ALDH3A1: variants seen among roughly 807,000 people sequenced by gnomAD.
ALDH3A1 encodes the protein aldehyde dehydrogenase 3 family member A1, also known as aldehyde dehydrogenase, dimeric NADP-preferring.
A neutral mutation model predicts 49.9 loss-of-function variants in ALDH3A1; 46 were observed. The observed-to-expected ratio is 0.92, with a 90% CI of 0.73 to 1.18. The LOEUF (loss-of-function observed/expected upper bound fraction) is 1.18. Among genes scored for constraint, ALDH3A1 ranks in the 50% most tolerant of loss-of-function variants. The pLI is 0.00. For missense variants in ALDH3A1, 592 were observed against 611.8 expected (o/e 0.97, Z 0.34); for synonymous variants, 269 against 253.3 (o/e 1.06, Z -0.59).
chr17:19,740,378 C>G lies in ALDH3A1; in HGVS notation c.907G>C (p.Val303Leu), dbSNP rs1289121819. ...GCATCCCCGGTGCCCCCATAAGCCA[C>G]CTTCTGGCCCTCAATCAGGCCCATC... is the stretch of plus-strand genomic sequence containing the variant. ...RVMGLIEGQK[V>L]AYGGTGDAAT... The change falls in exon 7 of 11, where the codon GTG (valine) becomes CTG (leucine). Residue 303 changes from valine to leucine, a missense_variant. Coordinates refer to ENST00000225740, the MANE Select transcript of ALDH3A1 (RefSeq NM_000691.5). 4 of 1,614,050 alleles carry G rather than the reference C, an allele frequency of 2.5e-6. No individual in the cohort carries two copies. Among genetic ancestry groups the G allele is most frequent in the Non-Finnish European group, 3.4e-6 (4 of 1,180,046 alleles).
chr17:19,747,214 T>C (rs2086612391), intron 1 of ALDH3A1, among the ~76,000 whole-genome samples: 1 of 152,192 alleles, frequency 6.6e-6, no homozygotes, highest in Non-Finnish European at 1.5e-5. Context: ...CTTCCAATCC[T>C]TCCTCTGCCT....
chr17:19,738,462 GAGAAGTAAGCAC>G lies in ALDH3A1; in HGVS notation c.1217-21_1217-10del. ...TCCCATGCCGCTGTTCCCTGCGGAG[GAGAAGTAAGCAC>G]AGGGCTCAGCATCCTGCCCCCAGGA... On this transcript the variant is annotated splice_polypyrimidine_tract_variant and intron_variant, in intron 9 of 10. Coordinates refer to ENST00000225740, the MANE Select transcript of ALDH3A1 (RefSeq NM_000691.5). 1 of 1,608,072 alleles carries G rather than the reference GAGAAGTAAGCAC, an allele frequency of 6.2e-7. No individual in the cohort carries two copies. The highest frequency in any genetic ancestry group is 1.1e-5 in the South Asian group (1 of 90,986).
At position 19,743,494 on chromosome 17, in the gene ALDH3A1, G is replaced by A. The variant is rs765313700; in HGVS notation, c.163-31C>T. 10 of 1,558,266 alleles carry A rather than the reference G, an allele frequency of 6.4e-6. No homozygotes were observed. The highest frequency in any genetic ancestry group is 8.7e-6 in the Non-Finnish European group (10 of 1,150,062). ...GCGACAGAGCCGGAGTGAGCTTCCA[G>A]GGCCAGGGCCCGCCTGCAGCTGGGG... On this transcript the variant is annotated intron_variant, in intron 2 of 10. Transcript: ENST00000225740. The surrounding 1 kb of genome is among the most constrained non-coding windows in gnomAD (Gnocchi z 4.4).
At chr17:19,746,904 T>C (rs1357362718) in intron 1 of ALDH3A1, among the ~76,000 whole-genome samples, 12 of 152,142 alleles carry the variant, frequency 7.9e-5, no homozygotes, top group Non-Finnish European at 1.5e-5. Context: ...TGGTGCGTTT[T>C]AAGATAGGCA....
chr17:19,744,901 G>GGCCCCCC, intron 2 of ALDH3A1, 67 bp downstream of exon 2: 25 of 434,624 alleles, frequency 5.8e-5, no homozygotes, highest in East Asian at 1.4e-4. Context: ...ACTCTCCCCA[G>GGCCCCCC]CCCCTCCCCC....
intron 9 of ALDH3A1, 111 bp from the exon 10 acceptor site, chr17:19,738,564 G>C (rs1597663517): frequency 6.9e-7 from 1 of 1,457,798 alleles, no homozygotes. Flanking sequence ...GGGAGGCAGA[G>C]CCCCAGCCAC....
chr17:19,746,111 G>A (rs535542066), intron 1 of ALDH3A1, among the ~76,000 whole-genome samples: 74 of 152,330 alleles, frequency 4.9e-4, no homozygotes, highest in Non-Finnish European at 9.3e-4. Context: ...CAGGCCGGGC[G>A]CGGTGGCTCA....
Position 19,742,132 on chromosome 17 carries a change from C to G in ALDH3A1, c.561G>C (p.Thr187=). ...TGATCTTCCCCACCCCCGTGCTGCC[C>G]GTGTACAGGATATGGTCGAACCTCT... ...LKERFDHILY[T]GSTGVGKIIM... The change falls in exon 5 of 11, where the codon ACG becomes ACC. Residue 187 remains threonine, a synonymous_variant. Transcript: ENST00000225740. 6.2e-7 allele frequency: 1 copy of G among 1,614,068 alleles called. No individual in the cohort carries two copies.
rs1441500370 is a variant in ALDH3A1 at position 19,743,520 on chromosome 17, C to A, written c.163-57G>T. The A allele has an allele frequency of 2.0e-6, 3 of 1,534,152 alleles. No individual in the cohort carries two copies. The East Asian group carries it at 6.8e-5, about 35-fold the overall frequency. ...GGCCAGGGCCCGCCTGCAGCTGGGG[C>A]GAGTGGGGAGCCCCACTGCTCAGCT... On this transcript the variant is annotated intron_variant, in intron 2 of 10. Coordinates refer to ENST00000225740, the MANE Select transcript of ALDH3A1 (RefSeq NM_000691.5). The surrounding 1 kb of genome is among the most constrained non-coding windows in gnomAD (Gnocchi z 4.4).
Position 19,738,212 on chromosome 17 carries a change from A to C in ALDH3A1, c.*9T>G. 6.2e-7 allele frequency: 1 copy of C among 1,613,922 alleles called. No individual in the cohort carries two copies. The highest frequency in any genetic ancestry group is 8.5e-7 in the Non-Finnish European group (1 of 1,179,986). On this transcript the variant is annotated 3_prime_UTR_variant, in exon 11 of 11. Transcript: ENST00000225740. ...ACAGTATGGCCAGGCCAGGCGGAGC[A>C]ACCCCTCCTCAGTGCTGGGTCATCT...
Position 19,743,127 on chromosome 17 carries a change from C to G in ALDH3A1, c.394+105G>C. 6.5e-7 allele frequency: 1 copy of G among 1,548,344 alleles called. No homozygotes were observed. Among genetic ancestry groups the G allele is most frequent in the East Asian group, 2.4e-5 (1 of 41,208 alleles). On this transcript the variant is annotated intron_variant, in intron 3 of 10. Coordinates refer to ENST00000225740, the MANE Select transcript of ALDH3A1 (RefSeq NM_000691.5). This position sits in a 1 kb window ranked among gnomAD's most constrained non-coding sequence, Gnocchi z 4.4. Reference sequence around the variant, plus strand: ...CCTCCTGTGACAGACCCAGCAAACCCTTATCTGACCCCAGGACTCTTAACA... The same window carrying G: ...CCTCCTGTGACAGACCCAGCAAACCGTTATCTGACCCCAGGACTCTTAACA...
Position 19,743,720 on chromosome 17 carries a change from C to A in ALDH3A1, c.163-257G>T. ...CAGGGGAGAGAGCCGGTGAAGGGAC[C>A]AGGCATGGGCAACGGAATGGATCCA... On this transcript the variant is annotated intron_variant, in intron 2 of 10. Transcript: ENST00000225740. The surrounding 1 kb of genome is among the most constrained non-coding windows in gnomAD (Gnocchi z 4.4). 1.0e-6 allele frequency: 1 copy of A among 984,292 alleles called. No homozygotes were observed. Among genetic ancestry groups the A allele is most frequent in the Non-Finnish European group, 1.2e-6 (1 of 829,850 alleles). The allele number at this position is 984,292 out of a possible 1,614,324, so 61.0% of individuals were successfully genotyped here.
At chr17:19,744,586 G>A (rs1436845556) in intron 2 of ALDH3A1, 1 of 985,310 alleles carries the variant, frequency 1.0e-6, no homozygotes, top group East Asian at 1.1e-4. Flanking sequence ...AACTGGGAGG[G>A]AGGGGAGAGC....
rs1029380751 is a variant in ALDH3A1, at chr17:19,744,999, A to G, written c.131T>C (p.Leu44Pro). ...QRLIQEQEQELVGALAADLHK... is the reference protein window; with the variant it reads ...QRLIQEQEQEPVGALAADLHK... ...CAGGTCTGCGGCCAGCGCGCCCACC[A>G]GCTCCTGCTCCTGCTCCTGGATCAG... is the stretch of plus-strand genomic sequence containing the variant. The change falls in exon 2 of 11, where the codon CTG (leucine) becomes CCG (proline). Residue 44 changes from leucine (L) to proline (P), a missense_variant. Leu to Pro is a moderately conservative substitution (Grantham distance 98). Coordinates refer to ENST00000225740, the MANE Select transcript of ALDH3A1 (RefSeq NM_000691.5). 3 of 1,437,970 alleles carry G rather than the reference A, an allele frequency of 2.1e-6. No individual in the cohort carries two copies. Among genetic ancestry groups the G allele is most frequent in the African/African-American group, 1.6e-5 (1 of 64,328 alleles). 89.1% of individuals were successfully genotyped at this position (1,437,970 alleles called of 1,614,324 possible).
In ALDH3A1 at chr17:19,743,184, G is replaced by A. The variant is rs1398251357; in HGVS notation, c.394+48C>T. 3.7e-6 allele frequency: 6 copies of A among 1,606,120 alleles called. No individual in the cohort carries two copies. Among genetic ancestry groups the A allele is most frequent in the African/African-American group, 2.7e-5 (2 of 74,782 alleles). ...TGAGCCCATCCTGGCTTGGCTCCAC[G>A]CTGGGGGACGGTGCTCCCCCAGCTT... On this transcript the variant is annotated intron_variant, in intron 3 of 10. Transcript: ENST00000225740. The surrounding 1 kb of genome is among the most constrained non-coding windows in gnomAD (Gnocchi z 4.4).
chr17:19,744,917 C>CCCCCCCA, intron 2 of ALDH3A1, 51 bp downstream of exon 2: 1 of 1,360,558 alleles, frequency 7.3e-7, no homozygotes, highest in Non-Finnish European at 9.6e-7. Context: ...CCCCCCACGC[C>CCCCCCCA]CCATCGCATG....
At chr17:19,747,117 AT>A (rs1159790450) in intron 1 of ALDH3A1, among the ~76,000 whole-genome samples, 1 of 152,090 alleles carries the variant, frequency 6.6e-6, no homozygotes, top group Non-Finnish European at 1.5e-5. Context: ...GGGTATTTCC[AT>A]TTTTTTAAAA....
intron 10 of ALDH3A1, 31 bp downstream of exon 10, chr17:19,738,292 G>C: frequency 2.5e-6 from 4 of 1,613,816 alleles, no homozygotes; most frequent in Non-Finnish European, 3.4e-6. Flanking sequence ...CGCACAGCCC[G>C]GTCTCCCCCA....
At chr17:19,740,228 A>G in intron 7 of ALDH3A1, 108 bp downstream of exon 7, 1 of 1,485,860 alleles carries the variant, frequency 6.7e-7, no homozygotes, top group South Asian at 1.2e-5. Flanking sequence ...ATTTATACCC[A>G]TCCCGAGGTC....
Sources: allele counts gnomAD v4.1 joint callset (sites outside exome capture counted in the v4.1 genomes callset), GRCh38; gene constraint gnomAD v4.1.1; non-coding constraint Gnocchi (gnomAD v3.1); transcripts MANE v1.5; gene names NCBI Gene and HGNC (gene_info 2026-07-23, HGNC 2026-07-21).